LRRC1: variants seen among roughly 807,000 people sequenced by gnomAD.
LRRC1 encodes leucine rich repeat containing 1.
Under a neutral mutation model 69.9 loss-of-function variants are expected in LRRC1, and 28 were observed. That is an observed-to-expected ratio of 0.40 (90% CI 0.30 to 0.55). The LOEUF is 0.55. Ranked by LOEUF, LRRC1 falls within the 20% of genes least tolerant of loss-of-function variation. LRRC1 has a pLI of 0.47. For synonymous variants in LRRC1, 236 were observed against 240.2 expected, an observed-to-expected ratio of 0.98 and a Z score of 0.16; for missense variants, 498 against 609.0, an observed-to-expected ratio of 0.82 and a Z score of 1.92.
At chr6:53,830,236 G>C (rs959833360) in intron 1 of LRRC1, among the ~76,000 whole-genome samples, 2 of 152,230 alleles carry the variant, frequency 1.3e-5, no homozygotes, top group African/African-American at 4.8e-5. Context: ...TGTAAAGACT[G>C]TCTGTCAAAA....
intron 2 of LRRC1, among the ~76,000 whole-genome samples, chr6:53,846,489 G>C (rs1765948867): frequency 6.6e-6 from 1 of 152,190 alleles, no homozygotes; most frequent in Admixed American, 6.5e-5. Context: ...GATGCCGCTG[G>C]GCCTTCTTTT....
intron 2 of LRRC1, among the ~76,000 whole-genome samples, chr6:53,843,459 T>C (rs1765849345): frequency 6.6e-6 from 1 of 152,230 alleles, no homozygotes; most frequent in South Asian, 2.1e-4. Context: ...TTTTTATCTG[T>C]TACATTCCAT....
At chr6:53,845,183 G>A (rs1015132090) in intron 2 of LRRC1, among the ~76,000 whole-genome samples, 2 of 152,178 alleles carry the variant, frequency 1.3e-5, no homozygotes, top group Non-Finnish European at 2.9e-5. Context: ...CAGCCTAGGC[G>A]ACAGAGCAAG....
At chr6:53,860,685 C>T (rs188639475) in intron 2 of LRRC1, among the ~76,000 whole-genome samples, 9 of 152,248 alleles carry the variant, frequency 5.9e-5, no homozygotes, top group African/African-American at 1.2e-4. Flanking sequence ...TTTCCCCATC[C>T]GCAACTAAAC....
intron 1 of LRRC1, among the ~76,000 whole-genome samples, chr6:53,840,970 C>A (rs952656515): frequency 7.3e-5 from 11 of 149,822 alleles, no homozygotes; most frequent in African/African-American, 2.7e-4. Context: ...CAGTGGAGAT[C>A]AGATGAGGTG....
chr6:53,826,228 A>G (rs1765254066), intron 1 of LRRC1, among the ~76,000 whole-genome samples: 1 of 144,846 alleles, frequency 6.9e-6, no homozygotes, highest in African/African-American at 2.6e-5. Flanking sequence ...ACTCCTGATC[A>G]CAGCTGTCCA....
intron 2 of LRRC1, among the ~76,000 whole-genome samples, chr6:53,878,656 G>A (rs753300090): frequency 8.5e-5 from 13 of 152,238 alleles, no homozygotes; most frequent in African/African-American, 1.2e-4. Context: ...CCCGCCTGCC[G>A]CTCACCTCCT....
At chr6:53,831,673 C>T (rs1415058474) in intron 1 of LRRC1, among the ~76,000 whole-genome samples, 1 of 152,136 alleles carries the variant, frequency 6.6e-6, no homozygotes, top group Non-Finnish European at 1.5e-5. Context: ...CCATTACTTA[C>T]AATTTGTATG....
intron 1 of LRRC1, among the ~76,000 whole-genome samples, chr6:53,830,952 A>G (rs1341403504): frequency 8.5e-6 from 1 of 118,146 alleles, no homozygotes; most frequent in Non-Finnish European, 1.8e-5. Flanking sequence ...ATAATTTTAT[A>G]TATATATATA....
intron 2 of LRRC1, among the ~76,000 whole-genome samples, chr6:53,862,939 T>C (rs778749663): frequency 9.9e-5 from 15 of 152,206 alleles, no homozygotes; most frequent in Non-Finnish European, 2.1e-4. Flanking sequence ...TAAGCAGGAT[T>C]GAGTCAGGCA....
At chr6:53,875,530 G>A (rs961166716) in intron 2 of LRRC1, among the ~76,000 whole-genome samples, 17 of 152,130 alleles carry the variant, frequency 1.1e-4, no homozygotes, top group African/African-American at 3.9e-4. Context: ...GGTGATGAGA[G>A]TGTTGGTGGT....
intron 1 of LRRC1, among the ~76,000 whole-genome samples, chr6:53,799,269 A>G (rs918042237): frequency 2.6e-5 from 4 of 152,142 alleles, no homozygotes; most frequent in Non-Finnish European, 4.4e-5. Flanking sequence ...TAGAGCATAT[A>G]TCATTACCTA....
chr6:53,890,588 A>G (rs1019462489), intron 4 of LRRC1, among the ~76,000 whole-genome samples: 20 of 152,166 alleles, frequency 1.3e-4, no homozygotes, highest in Admixed American at 1.2e-3. Flanking sequence ...GAAAACTATT[A>G]CCATATTTAA....
intron 10 of LRRC1, among the ~76,000 whole-genome samples, chr6:53,909,615 A>T (rs1352420811): frequency 6.6e-6 from 1 of 152,140 alleles, no homozygotes; most frequent in African/African-American, 2.4e-5. Flanking sequence ...ATCAGAAAAA[A>T]AAAAAAGAAT....
At chr6:53,826,032 G>A (rs1184203474) in intron 1 of LRRC1, among the ~76,000 whole-genome samples, 1 of 151,406 alleles carries the variant, frequency 6.6e-6, no homozygotes, top group Non-Finnish European at 1.5e-5. Flanking sequence ...CATTCCTGTC[G>A]TTGCTGGCCT....
chr6:53,896,579 G>C (rs776548805), intron 5 of LRRC1, 25 bp downstream of exon 5: 84 of 1,574,348 alleles, frequency 5.3e-5, no homozygotes, highest in Non-Finnish European at 6.6e-5. Context: ...AAAATAAGAG[G>C]AGATTTTGTG....
At chr6:53,800,332 A>G (rs1050838859) in intron 1 of LRRC1, among the ~76,000 whole-genome samples, 18 of 137,242 alleles carry the variant, frequency 1.3e-4, no homozygotes, top group Non-Finnish European at 2.6e-4. Context: ...GCTCACTGCA[A>G]CCTCCGTCTC....
intron 1 of LRRC1, among the ~76,000 whole-genome samples, chr6:53,828,741 G>T (rs1765343086): frequency 6.6e-6 from 1 of 152,112 alleles, no homozygotes; most frequent in Non-Finnish European, 1.5e-5. Flanking sequence ...TAGACATTTG[G>T]TCCCTGCAGT....
At chr6:53,809,907 C>T (rs1764743088) in intron 1 of LRRC1, among the ~76,000 whole-genome samples, 1 of 152,256 alleles carries the variant, frequency 6.6e-6, no homozygotes, top group Non-Finnish European at 1.5e-5. Context: ...GCTTGTATGA[C>T]TTCCCCGTGA....
Sources: allele counts gnomAD v4.1 joint callset (sites outside exome capture counted in the v4.1 genomes callset), GRCh38; gene constraint gnomAD v4.1.1; transcripts MANE v1.5; gene names NCBI Gene and HGNC (gene_info 2026-07-23, HGNC 2026-07-21).